SHROOM3: variants seen among roughly 807,000 people sequenced by gnomAD.
The protein encoded by SHROOM3 is shroom family member 3, also known as protein Shroom3.
A neutral mutation model predicts 138.6 loss-of-function variants in SHROOM3; 47 were observed. That is an observed-to-expected ratio of 0.34 (90% CI 0.27 to 0.43). The LOEUF (loss-of-function observed/expected upper bound fraction) is 0.43. SHROOM3 is among the 20% of genes least tolerant of loss of function. The pLI is 1.00. For synonymous variants in SHROOM3, 1,062 were observed against 1,063.3 expected, an observed-to-expected ratio of 1.00 and a Z score of 0.02; for missense variants, 2,491 against 2,596.5, an observed-to-expected ratio of 0.96 and a Z score of 0.88.
At chr4:76,579,836 T>G (rs1354535821) in intron 2 of SHROOM3, among the ~76,000 whole-genome samples, 1 of 152,232 alleles carries the variant, frequency 6.6e-6, no homozygotes, top group Non-Finnish European at 1.5e-5. Flanking sequence ...ACTGAAGAAC[T>G]GGTTGATGAT....
At chr4:76,488,148 G>A (rs1001267127) in intron 1 of SHROOM3, among the ~76,000 whole-genome samples, 1 of 152,058 alleles carries the variant, frequency 6.6e-6, no homozygotes, top group African/African-American at 2.4e-5. Context: ...AGTATTGAAG[G>A]CAAATTGTTT....
At chr4:76,627,037 C>T (rs982851321) in intron 2 of SHROOM3, among the ~76,000 whole-genome samples, 1 of 152,150 alleles carries the variant, frequency 6.6e-6, no homozygotes, top group Non-Finnish European at 1.5e-5. Flanking sequence ...TAGGAATTGC[C>T]AAACAGATGA....
At chr4:76,445,302 A>G (rs553622466) in intron 1 of SHROOM3, among the ~76,000 whole-genome samples, 125 of 152,284 alleles carry the variant, frequency 8.2e-4, no homozygotes, top group Non-Finnish European at 1.6e-3. Flanking sequence ...CTGCCATCAT[A>G]GAGCTTATAT....
intron 3 of SHROOM3, chr4:76,716,286 C>A (rs1052683869): frequency 7.7e-6 from 4 of 518,424 alleles, no homozygotes; most frequent in African/African-American, 7.7e-5. Context: ...ACTTGTGAGG[C>A]TTTTACCATG....
At chr4:76,562,217 T>C (rs1193523159) in intron 2 of SHROOM3, among the ~76,000 whole-genome samples, 1 of 152,122 alleles carries the variant, frequency 6.6e-6, no homozygotes, top group Non-Finnish European at 1.5e-5. Flanking sequence ...TGGGCTGCAT[T>C]AGTGGCTGCT....
intron 2 of SHROOM3, among the ~76,000 whole-genome samples, chr4:76,680,025 T>C (rs780401607): frequency 4.6e-5 from 7 of 152,218 alleles, no homozygotes; most frequent in Non-Finnish European, 1.0e-4. Context: ...GTAATTCACA[T>C]CAACCCTGTT....
At chr4:76,699,324 C>T (rs758297930) in intron 2 of SHROOM3, among the ~76,000 whole-genome samples, 11 of 152,172 alleles carry the variant, frequency 7.2e-5, no homozygotes, top group African/African-American at 1.4e-4. Flanking sequence ...GATGTAGGTA[C>T]GCAGATCATG....
chr4:76,611,156 AC>A (rs1734753642), intron 2 of SHROOM3, among the ~76,000 whole-genome samples: 1 of 152,170 alleles, frequency 6.6e-6, no homozygotes, highest in Non-Finnish European at 1.5e-5. Flanking sequence ...AACCATCACC[AC>A]TACCAATCTT....
chr4:76,506,320 A>T (rs1408597595), intron 1 of SHROOM3, among the ~76,000 whole-genome samples: 2 of 152,196 alleles, frequency 1.3e-5, no homozygotes, highest in Admixed American at 6.5e-5. Flanking sequence ...TAGCACGTGC[A>T]TACCTATGTA....
chr4:76,545,862 G>A (rs1009797805), intron 1 of SHROOM3, among the ~76,000 whole-genome samples: 5 of 152,120 alleles, frequency 3.3e-5, no homozygotes, highest in African/African-American at 1.2e-4. Flanking sequence ...TTGGAAGTGG[G>A]ATTTATACCT....
intron 8 of SHROOM3, chr4:76,758,286 T>C (rs1028983780): frequency 6.6e-6 from 1 of 152,214 alleles, no homozygotes; most frequent in African/African-American, 2.4e-5. Flanking sequence ...CAGTTCACCA[T>C]GGGTGGTTGC....
In SHROOM3 at chr4:76,608,546, A is replaced by ATAGCATAGCG. The variant is rs1553928136; in HGVS notation, c.323+52792_323+52793insGTAGCATAGC. Among the ~76,000 whole-genome samples, 628 of 65,530 alleles carry ATAGCATAGCG rather than the reference A, an allele frequency of 9.6e-3. 9 individuals carry two copies. The highest frequency in any genetic ancestry group is 0.029 in the African/African-American group (541 of 18,742). The allele number at this position is 65,530 out of a possible 152,430, so 43.0% of individuals were successfully genotyped here. A position where few individuals can be genotyped will look rare whatever the true frequency, so the allele number is the denominator to read the frequency against. ...CAGAGATGGCATAGCATAGCATAGC[A>ATAGCATAGCG]TAGCATAGCATAGCATAGCATAGCA... On this transcript the variant is annotated intron_variant, in intron 2 of 10. Transcript: ENST00000296043.
intron 2 of SHROOM3, among the ~76,000 whole-genome samples, chr4:76,707,680 A>G (rs1720096644): frequency 1.3e-5 from 2 of 152,206 alleles, no homozygotes; most frequent in Non-Finnish European, 2.9e-5. Context: ...GGCAGAAGGA[A>G]GGAAGGGCAA....
At chr4:76,521,282 ATGTGTGTGTGTGCGCACATATG>A (rs1560532430) in intron 1 of SHROOM3, among the ~76,000 whole-genome samples, 1 of 151,450 alleles carries the variant, frequency 6.6e-6, no homozygotes, top group Non-Finnish European at 1.5e-5. Context: ...GTGTATGTAT[ATGTGTGTGTGTGCGCACATATG>A]TGTGTGTGTG....
At chr4:76,465,181 T>C (rs1312590022) in intron 1 of SHROOM3, among the ~76,000 whole-genome samples, 4 of 152,260 alleles carry the variant, frequency 2.6e-5, no homozygotes, top group African/African-American at 7.2e-5. Context: ...AGCATATGTC[T>C]ACATATGTAT....
chr4:76,585,419 CTT>C (rs1734132632), intron 2 of SHROOM3, among the ~76,000 whole-genome samples: 1 of 152,110 alleles, frequency 6.6e-6, no homozygotes, highest in Non-Finnish European at 1.5e-5. Flanking sequence ...TTCCTTTTCT[CTT>C]TCTCTCTCTC....
chr4:76,713,848 G>T (rs1391594246), intron 3 of SHROOM3, among the ~76,000 whole-genome samples: 1 of 152,078 alleles, frequency 6.6e-6, no homozygotes, highest in Non-Finnish European at 1.5e-5. Context: ...GTCATTATGT[G>T]GCACATGACT....
At chr4:76,519,320 C>T (rs950979537) in intron 1 of SHROOM3, among the ~76,000 whole-genome samples, 5 of 152,152 alleles carry the variant, frequency 3.3e-5, no homozygotes, top group Non-Finnish European at 7.3e-5. Context: ...CATTTGCTGA[C>T]CAAGAGGCCC....
chr4:76,546,686 T>A lies in SHROOM3; in HGVS notation c.169-8923T>A, dbSNP rs370378628. On this transcript the variant is annotated intron_variant, in intron 1 of 10. Coordinates refer to ENST00000296043, the MANE Select transcript of SHROOM3 (RefSeq NM_020859.4). ...TCCACCTACCTTTTTATCTCTACATTTTGCTCATTGCTTCCATACAATTAT... is the reference window on the plus strand; with the variant it reads ...TCCACCTACCTTTTTATCTCTACATATTGCTCATTGCTTCCATACAATTAT... Among the ~76,000 whole-genome samples, 15 of 152,340 alleles carry A rather than the reference T, an allele frequency of 9.8e-5. No homozygotes were observed. The East Asian group carries it at 2.7e-3, about 27-fold the overall frequency.
Sources: gnomAD v4.1 joint callset for allele counts (sites outside exome capture counted in the v4.1 genomes callset) on GRCh38, gnomAD v4.1.1 for gene constraint, MANE v1.5 for transcripts, NCBI Gene and HGNC (gene_info 2026-07-23, HGNC 2026-07-21) for gene names.